The following ROBO2 variants were observed in gnomAD, a reference collection of about 807,000 sequenced individuals.
ROBO2 encodes the protein roundabout homolog 2.
A neutral mutation model predicts 160.8 loss-of-function variants in ROBO2; 53 were observed. The ratio of observed to expected loss-of-function variants is 0.33; its 90% CI spans 0.26 to 0.41. The LOEUF (loss-of-function observed/expected upper bound fraction) is 0.41, where lower values mean the gene tolerates loss of function less well. Among genes scored for constraint, ROBO2 ranks in the 10% least tolerant of loss-of-function variants. The pLI is 1.00. For synonymous variants in ROBO2, 664 were observed against 611.7 expected, an observed-to-expected ratio of 1.09 and a Z score of -1.26; for missense variants, 1,577 against 1,722.4, an observed-to-expected ratio of 0.92 and a Z score of 1.49.
rs12497639 is a variant in ROBO2 at position 77,287,531 on chromosome 3, G to T, written c.388+189191G>T. On this transcript the variant is annotated intron_variant, in intron 2 of 25. Coordinates refer to ENST00000461745, the Ensembl canonical transcript of ROBO2. ...TTTCCTTCCTCAAATCTTGAAGCAC[G>T]TATTATTTCTTTCACATCTTTAGAC... Among the ~76,000 whole-genome samples the T allele has an allele frequency of 2.6e-5, 4 of 152,076 alleles. No homozygotes were observed. In the East Asian group the frequency reaches 7.8e-4, roughly 30 times the overall value.
chr3:76,056,426 G>T (rs903715417), intron 2 of ROBO2, among the ~76,000 whole-genome samples: 1 of 151,826 alleles, frequency 6.6e-6, no homozygotes, highest in African/African-American at 2.4e-5. Context: ...TTAAAAAATG[G>T]TGCGTTTTTA....
chr3:76,853,810 G>A (rs2069686124), intron 2 of ROBO2, among the ~76,000 whole-genome samples: 1 of 152,042 alleles, frequency 6.6e-6, no homozygotes, highest in Non-Finnish European at 1.5e-5. Context: ...CTTTGGAACT[G>A]AATTATTTGT....
At chr3:76,742,008 G>A (rs915572407) in intron 2 of ROBO2, among the ~76,000 whole-genome samples, 1 of 152,014 alleles carries the variant, frequency 6.6e-6, no homozygotes, top group African/African-American at 2.4e-5. Context: ...ATAAGTGATA[G>A]AGTTTTATTT....
chr3:76,913,342 C>T (rs1180045066), intron 2 of ROBO2, among the ~76,000 whole-genome samples: 1 of 152,136 alleles, frequency 6.6e-6, no homozygotes, highest in African/African-American at 2.4e-5. Context: ...TGAAAGCCTG[C>T]AAGCCATTCT....
At chr3:76,802,641 T>G (rs971532873) in intron 2 of ROBO2, among the ~76,000 whole-genome samples, 1 of 147,694 alleles carries the variant, frequency 6.8e-6, no homozygotes. Context: ...GGCAGGAGAA[T>G]GGCGGGAACC....
At chr3:76,462,613 A>G (rs990871941) in intron 2 of ROBO2, among the ~76,000 whole-genome samples, 1 of 152,130 alleles carries the variant, frequency 6.6e-6, no homozygotes, top group Non-Finnish European at 1.5e-5. Flanking sequence ...TATTAAAAAA[A>G]AAAAAAAAGA....
At chr3:76,540,361 T>C (rs1318130245) in intron 2 of ROBO2, among the ~76,000 whole-genome samples, 1 of 152,208 alleles carries the variant, frequency 6.6e-6, no homozygotes, top group Non-Finnish European at 1.5e-5. Context: ...CTTAATGCAA[T>C]AGCTAAAAGA....
chr3:77,176,000 A>G (rs2150787457), intron 2 of ROBO2, among the ~76,000 whole-genome samples: 1 of 152,156 alleles, frequency 6.6e-6, no homozygotes. Flanking sequence ...AGAATGAAGT[A>G]TGGAAGCTGA....
intron 2 of ROBO2, among the ~76,000 whole-genome samples, chr3:77,214,328 A>C (rs2084621188): frequency 2.0e-5 from 3 of 152,244 alleles, no homozygotes; most frequent in African/African-American, 7.2e-5. Context: ...CTTTCCCATT[A>C]TGTAATGGCC....
chr3:76,267,041 G>A (rs1414634520), intron 2 of ROBO2, among the ~76,000 whole-genome samples: 1 of 152,102 alleles, frequency 6.6e-6, no homozygotes, highest in Non-Finnish European at 1.5e-5. Context: ...CTGTGTGCAT[G>A]TTCCTTAGGT....
At chr3:75,970,415 C>T (rs917256125) in intron 2 of ROBO2, among the ~76,000 whole-genome samples, 2 of 151,496 alleles carry the variant, frequency 1.3e-5, no homozygotes, top group South Asian at 2.1e-4. Flanking sequence ...GGATACCCAG[C>T]ATTTTCATGA....
intron 2 of ROBO2, among the ~76,000 whole-genome samples, chr3:76,279,740 TA>T (rs1708131322): frequency 7.4e-5 from 2 of 26,902 alleles, no homozygotes; most frequent in Non-Finnish European, 2.0e-3. Context: ...AGGATCCACA[TA>T]ACATAAGATA....
chr3:76,215,289 C>T (rs1471146219), intron 2 of ROBO2, among the ~76,000 whole-genome samples: 1 of 152,118 alleles, frequency 6.6e-6, no homozygotes, highest in Non-Finnish European at 1.5e-5. Flanking sequence ...TCATCACCAG[C>T]AATGGAACAA....
chr3:77,504,118 A>T (rs996730273), intron 5 of ROBO2, among the ~76,000 whole-genome samples: 2 of 152,182 alleles, frequency 1.3e-5, no homozygotes, highest in Non-Finnish European at 2.9e-5. Flanking sequence ...TTGCCGAGAA[A>T]TTAGAAGTCC....
chr3:76,664,483 CA>C (rs2091946589), intron 2 of ROBO2, among the ~76,000 whole-genome samples: 1 of 152,116 alleles, frequency 6.6e-6, no homozygotes, highest in Non-Finnish European at 1.5e-5. Context: ...TCTAAAGGGA[CA>C]TACATAGGAA....
intron 2 of ROBO2, among the ~76,000 whole-genome samples, chr3:76,327,828 A>G (rs1229813596): frequency 1.3e-5 from 2 of 152,180 alleles, no homozygotes; most frequent in Non-Finnish European, 2.9e-5. Flanking sequence ...ATTAAAGAAC[A>G]TATAGACAAC....
chr3:77,415,860 A>T (rs1419244403), intron 2 of ROBO2, among the ~76,000 whole-genome samples: 1 of 152,122 alleles, frequency 6.6e-6, no homozygotes, highest in Non-Finnish European at 1.5e-5. Flanking sequence ...AGTGCAGCAA[A>T]CAGGAGGGCA....
At chr3:77,442,655 T>G (rs1406660297) in intron 2 of ROBO2, among the ~76,000 whole-genome samples, 1 of 152,136 alleles carries the variant, frequency 6.6e-6, no homozygotes, top group Non-Finnish European at 1.5e-5. Context: ...GACTATAGCG[T>G]GATGATGTGC....
intron 2 of ROBO2, among the ~76,000 whole-genome samples, chr3:76,571,848 G>C (rs1166908132): frequency 1.3e-5 from 2 of 152,090 alleles, no homozygotes; most frequent in Non-Finnish European, 2.9e-5. Flanking sequence ...AAAATGTACT[G>C]AAATGAAAAT....
Sources: gnomAD v4.1 joint callset for allele counts (sites outside exome capture counted in the v4.1 genomes callset) on GRCh38, gnomAD v4.1.1 for gene constraint, MANE v1.5 for transcripts, NCBI Gene and HGNC (gene_info 2026-07-23, HGNC 2026-07-21) for gene names.